Variants in ZNF362 observed in about 807,000 individuals in gnomAD.
The protein encoded by ZNF362 is zinc finger protein 362, also known as rotund homolog.
Under a neutral mutation model 42.9 loss-of-function variants are expected in ZNF362, and 11 were observed. The ratio of observed to expected loss-of-function variants is 0.26; its 90% CI spans 0.16 to 0.42. The LOEUF (loss-of-function observed/expected upper bound fraction) is 0.42, where lower values mean the gene tolerates loss of function less well. ZNF362 is among the 20% of genes least tolerant of loss of function. The pLI is 1.00. For synonymous variants in ZNF362, 255 were observed against 257.3 expected (o/e 0.99, Z 0.09); for missense variants, 362 against 576.2 (o/e 0.63, Z 3.81).
chr1:33,182,347 G>GA, the ZNF362 span, among the ~76,000 whole-genome samples: 1 of 152,212 alleles, frequency 6.6e-6, no homozygotes, highest in Non-Finnish European at 1.5e-5. Context: ...TGAAGATGTA[G>GA]AAAAAATCAT....
chr1:33,181,833 G>A, the ZNF362 span, among the ~76,000 whole-genome samples: 11 of 151,304 alleles, frequency 7.3e-5, no homozygotes, highest in African/African-American at 1.9e-4. The surrounding 1 kb of genome is among the most constrained non-coding windows in gnomAD (Gnocchi z 6.5). Context: ...CGGGGTGGGG[G>A]CGGTGCGGGG....
intron 8 of ZNF362, 146 bp from the exon 9 acceptor site, chr1:33,298,784 G>A (rs1435664162): frequency 1.3e-5 from 9 of 697,838 alleles, no homozygotes; most frequent in Admixed American, 6.1e-5. Context: ...AATGGCCGAC[G>A]CCCATCTGAC....
At chr1:33,165,685 G>A in the ZNF362 span, 1 of 775,564 alleles carries the variant, frequency 1.3e-6, no homozygotes, top group East Asian at 3.2e-5. This position sits in a 1 kb window ranked among gnomAD's most constrained non-coding sequence, Gnocchi z 4.0. Flanking sequence ...TCCAACACTT[G>A]CCTCCCGTCA....
At chr1:33,218,046 A>G in the ZNF362 span, among the ~76,000 whole-genome samples, 10 of 152,224 alleles carry the variant, frequency 6.6e-5, no homozygotes, top group African/African-American at 2.4e-4. Context: ...ATTTTTCTCT[A>G]TAGTCCATAG....
At chr1:33,236,714 T>C in the ZNF362 span, among the ~76,000 whole-genome samples, 1 of 151,080 alleles carries the variant, frequency 6.6e-6, no homozygotes, top group Non-Finnish European at 1.5e-5. Context: ...CACAAAAATA[T>C]GATAAGTACA....
At chr1:33,287,685 C>T (rs1191320653) in intron 6 of ZNF362, among the ~76,000 whole-genome samples, 7 of 152,276 alleles carry the variant, frequency 4.6e-5, no homozygotes, top group South Asian at 2.1e-4. Flanking sequence ...ATGATCATTG[C>T]AGCAGGGGAA....
intron 8 of ZNF362, among the ~76,000 whole-genome samples, chr1:33,298,049 C>T (rs1157186492): frequency 6.6e-6 from 1 of 152,132 alleles, no homozygotes; most frequent in East Asian, 1.9e-4. Context: ...GGTCTGAAGT[C>T]AAGGAGTGGC....
the ZNF362 span, among the ~76,000 whole-genome samples, chr1:33,141,358 C>T: frequency 1.3e-3 from 200 of 152,312 alleles, 1 homozygote; most frequent in African/African-American, 4.6e-3. Flanking sequence ...GTCAATCTCC[C>T]TCCCCTATGT....
At chr1:33,239,304 G>T in the ZNF362 span, among the ~76,000 whole-genome samples, 1 of 152,142 alleles carries the variant, frequency 6.6e-6, no homozygotes, top group Non-Finnish European at 1.5e-5. Context: ...CCTAATAGGG[G>T]CCCCAAATGT....
At chr1:33,190,744 G>A in the ZNF362 span, among the ~76,000 whole-genome samples, 2 of 152,134 alleles carry the variant, frequency 1.3e-5, no homozygotes, top group East Asian at 3.9e-4. Flanking sequence ...CTGGGGCTGG[G>A]GTTCAGAAAT....
the ZNF362 span, among the ~76,000 whole-genome samples, chr1:33,196,538 CT>C: frequency 2.0e-5 from 3 of 152,170 alleles, no homozygotes; most frequent in African/African-American, 7.2e-5. Flanking sequence ...ATGCATGGAG[CT>C]GTCATGTCCT....
chr1:33,224,330 G>A, the ZNF362 span, among the ~76,000 whole-genome samples: 1 of 152,312 alleles, frequency 6.6e-6, no homozygotes, highest in Middle Eastern at 3.4e-3. Context: ...TTTGGCAACA[G>A]ATCAGACACA....
chr1:33,280,114 G>A lies in ZNF362; in HGVS notation c.350-10G>A. 6.4e-7 allele frequency: 1 copy of A among 1,550,432 alleles called. No individual in the cohort carries two copies. The highest frequency in any genetic ancestry group is 2.3e-5 in the East Asian group (1 of 44,052). ...CGCTCACCCCTGCCCCCACCCACCT[G>A]TCTTCGCAGGTCTGGGGCTGTCCAC... On this transcript the variant is annotated splice_polypyrimidine_tract_variant and intron_variant, in intron 4 of 8. Coordinates refer to ENST00000539719, the MANE Select transcript of ZNF362 (RefSeq NM_152493.3). This position sits in a 1 kb window ranked among gnomAD's most constrained non-coding sequence, Gnocchi z 5.6.
intron 2 of ZNF362, among the ~76,000 whole-genome samples, chr1:33,271,997 G>A (rs1645907913): frequency 6.6e-6 from 1 of 152,182 alleles, no homozygotes; most frequent in Admixed American, 6.5e-5. Context: ...CTGGTATTTA[G>A]ATTCTAAAGT....
chr1:33,293,898 G>C (rs1157741191), intron 6 of ZNF362, among the ~76,000 whole-genome samples: 1 of 152,210 alleles, frequency 6.6e-6, no homozygotes, highest in Non-Finnish European at 1.5e-5. Flanking sequence ...CACTGCCCCA[G>C]TGTCACCTTC....
chr1:33,242,156 C>T, the ZNF362 span, among the ~76,000 whole-genome samples: 5 of 152,138 alleles, frequency 3.3e-5, no homozygotes, highest in South Asian at 1.0e-3. Context: ...AGTATGTGGT[C>T]CTGAGGCTGC....
chr1:33,230,670 C>T, the ZNF362 span, among the ~76,000 whole-genome samples: 3 of 152,354 alleles, frequency 2.0e-5, no homozygotes, highest in African/African-American at 7.2e-5. Flanking sequence ...TTGCATCCTG[C>T]GGCTTGTGAT....
chr1:33,197,699 A>T, the ZNF362 span, among the ~76,000 whole-genome samples: 1 of 152,134 alleles, frequency 6.6e-6, no homozygotes, highest in African/African-American at 2.4e-5. Flanking sequence ...TTCTGAGAGG[A>T]GGAGACAGAG....
the ZNF362 span, among the ~76,000 whole-genome samples, chr1:33,151,366 T>C: frequency 0.062 from 9,351 of 152,026 alleles, 396 homozygotes; most frequent in Non-Finnish European, 0.09. Context: ...CCCCAAGGGG[T>C]GAGGCTGGGG....
Sources: gnomAD v4.1 joint callset for allele counts (sites outside exome capture counted in the v4.1 genomes callset) on GRCh38, gnomAD v4.1.1 for gene constraint, Gnocchi (gnomAD v3.1) non-coding constraint, MANE v1.5 for transcripts, NCBI Gene and HGNC (gene_info 2026-07-23, HGNC 2026-07-21) for gene names.